Variants in SOX5 observed in about 807,000 individuals in gnomAD.
SOX5 encodes the protein SRY-box transcription factor 5.
Under a neutral mutation model 92.0 loss-of-function variants are expected in SOX5, and 9 were observed. The observed-to-expected ratio is 0.10, with a 90% CI of 0.06 to 0.17. The LOEUF is 0.17. Among genes scored for constraint, SOX5 ranks in the 10% least tolerant of loss-of-function variants. The pLI is 1.00. For missense variants in SOX5, 642 were observed against 944.5 expected (o/e 0.68, Z 4.20); for synonymous variants, 344 against 336.3 (o/e 1.02, Z -0.25).
rs147659426 is a variant in SOX5, at chr12:24,010,093, G to A, written c.-1-114069C>T. Among the ~76,000 whole-genome samples the A allele has an allele frequency of 4.9e-3, 739 of 152,254 alleles. 3 individuals are homozygous for A. Among genetic ancestry groups the A allele is most frequent in the Non-Finnish European group, 6.8e-3 (462 of 68,010 alleles). ...AGTAGAAATATAACAATTTTCATGT[G>A]TTTCTTAGCAATAAAACAATTTCTC... On this transcript the variant is annotated intron_variant, in intron 4 of 4. Coordinates refer to the SOX5 transcript ENST00000446891.
At chr12:23,983,029 T>A (rs1356253591) in intron 4 of SOX5, among the ~76,000 whole-genome samples, 1 of 151,918 alleles carries the variant, frequency 6.6e-6, no homozygotes, top group Non-Finnish European at 1.5e-5. Flanking sequence ...CCCAGCACGA[T>A]CAAGATCCTG....
At chr12:24,208,682 C>G (rs573983899) in intron 4 of SOX5, among the ~76,000 whole-genome samples, 1 of 152,282 alleles carries the variant, frequency 6.6e-6, no homozygotes, top group East Asian at 1.9e-4. Flanking sequence ...CATTTGGCTA[C>G]AGCTCTTCAC....
At chr12:23,680,325 CAAAAAAAAAAA>C (rs57754255) in intron 6 of SOX5, among the ~76,000 whole-genome samples, 2 of 48,390 alleles carry the variant, frequency 4.1e-5, no homozygotes, top group African/African-American at 7.9e-5. Flanking sequence ...GACCTTGTCT[CAAAAAAAAAAA>C]AAAAAAAAAA....
In SOX5 at chr12:23,860,193, G is replaced by T. The variant is rs1047602360; in HGVS notation, c.271-14000C>A. Reference sequence around the variant, plus strand: ...AGAGGAGCAGAAAAGATAACTATTGGGAACTGAGCTTAATACCTGGGTGAT... The same window carrying T: ...AGAGGAGCAGAAAAGATAACTATTGTGAACTGAGCTTAATACCTGGGTGAT... On this transcript the variant is annotated intron_variant, in intron 2 of 14. Transcript: ENST00000451604. 1.9e-4 allele frequency among the ~76,000 whole-genome samples: 29 copies of T among 151,752 alleles called. 1 individual carries two copies. The highest frequency in any genetic ancestry group is 7.4e-5 in the Non-Finnish European group (5 of 67,946).
chr12:24,133,221 C>T (rs1949814962), intron 4 of SOX5, among the ~76,000 whole-genome samples: 1 of 152,184 alleles, frequency 6.6e-6, no homozygotes, highest in South Asian at 2.1e-4. Context: ...GTAGATTACT[C>T]TGTACATGTC....
At chr12:24,033,191 C>A (rs764740153) in intron 4 of SOX5, among the ~76,000 whole-genome samples, 1 of 151,850 alleles carries the variant, frequency 6.6e-6, no homozygotes, top group Non-Finnish European at 1.5e-5. Context: ...TACATCTTTT[C>A]CAAGTGACTT....
chr12:24,272,876 A>T (rs1943939825), intron 3 of SOX5, among the ~76,000 whole-genome samples: 1 of 151,464 alleles, frequency 6.6e-6, no homozygotes, highest in African/African-American at 2.4e-5. Context: ...AAATTATATG[A>T]TAATTATAAA....
chr12:23,591,515 T>C (rs1191286085), intron 9 of SOX5, among the ~76,000 whole-genome samples: 2 of 152,138 alleles, frequency 1.3e-5, no homozygotes, highest in African/African-American at 2.4e-5. Flanking sequence ...TAATGAATGC[T>C]AATAGAAAAA....
chr12:24,246,382 A>C (rs1042428076), intron 3 of SOX5, among the ~76,000 whole-genome samples: 1 of 152,288 alleles, frequency 6.6e-6, no homozygotes, highest in Admixed American at 6.5e-5. Flanking sequence ...ACTTAAAAAA[A>C]AATTCAAGGA....
At chr12:24,328,798 T>C (rs553186920) in intron 2 of SOX5, among the ~76,000 whole-genome samples, 5 of 152,388 alleles carry the variant, frequency 3.3e-5, no homozygotes, top group African/African-American at 9.6e-5. Flanking sequence ...TTATGCTTTA[T>C]CTGTTGTTTT....
chr12:24,012,578 A>G (rs974002489), intron 4 of SOX5, among the ~76,000 whole-genome samples: 1 of 152,174 alleles, frequency 6.6e-6, no homozygotes, highest in Non-Finnish European at 1.5e-5. Context: ...CATGATTACA[A>G]AACTGTAGCC....
intron 3 of SOX5, among the ~76,000 whole-genome samples, chr12:23,778,815 A>T (rs2095190162): frequency 6.6e-6 from 1 of 152,176 alleles, no homozygotes; most frequent in Non-Finnish European, 1.5e-5. Context: ...GAGTGGTGAG[A>T]CTCAAGGCCA....
At chr12:23,841,230 A>G (rs2096510550) in intron 3 of SOX5, among the ~76,000 whole-genome samples, 1 of 152,128 alleles carries the variant, frequency 6.6e-6, no homozygotes, top group Non-Finnish European at 1.5e-5. Context: ...ATTTCTTAAA[A>G]TTAGAGGACT....
intron 1 of SOX5, among the ~76,000 whole-genome samples, chr12:24,428,389 A>G (rs896908155): frequency 6.6e-6 from 1 of 152,154 alleles, no homozygotes; most frequent in Admixed American, 6.6e-5. Flanking sequence ...TGTGCCAACT[A>G]GACAGGACAG....
At chr12:23,535,700 G>A (rs972978815) in intron 14 of SOX5, among the ~76,000 whole-genome samples, 1 of 152,184 alleles carries the variant, frequency 6.6e-6, no homozygotes. Context: ...AACTGGAGGG[G>A]ACAGAGCAGA....
At chr12:23,574,423 GTTAAT>G (rs1182918792) in intron 10 of SOX5, among the ~76,000 whole-genome samples, 3 of 151,968 alleles carry the variant, frequency 2.0e-5, no homozygotes, top group Admixed American at 6.6e-5. Flanking sequence ...CCCTTTCATT[GTTAAT>G]AGAGGCATAA....
intron 4 of SOX5, among the ~76,000 whole-genome samples, chr12:24,074,654 G>T (rs1182322096): frequency 5.1e-5 from 2 of 38,942 alleles, no homozygotes; most frequent in Non-Finnish European, 1.3e-4. Flanking sequence ...AAAAAAAAAA[G>T]CTCAATATTC....
At chr12:24,100,000 G>A (rs1945894980) in intron 4 of SOX5, among the ~76,000 whole-genome samples, 1 of 152,068 alleles carries the variant, frequency 6.6e-6, no homozygotes, top group Non-Finnish European at 1.5e-5. Flanking sequence ...AATTGTGTCA[G>A]GTTAAATGTT....
chr12:24,412,084 T>C (rs1266405171), intron 1 of SOX5, among the ~76,000 whole-genome samples: 1 of 152,148 alleles, frequency 6.6e-6, no homozygotes, highest in Non-Finnish European at 1.5e-5. Flanking sequence ...TCCCATATTA[T>C]CCTTTTGGTG....
Sources: allele counts gnomAD v4.1 joint callset (sites outside exome capture counted in the v4.1 genomes callset), GRCh38; gene constraint gnomAD v4.1.1; transcripts MANE v1.5; gene names NCBI Gene and HGNC (gene_info 2026-07-23, HGNC 2026-07-21).